Variants in CCDC7 observed in about 807,000 individuals in gnomAD.
CCDC7 encodes coiled-coil domain-containing protein 7.
Under a neutral mutation model 196.9 loss-of-function variants are expected in CCDC7, and 183 were observed. The observed-to-expected ratio is 0.93, with a 90% confidence interval of 0.82 to 1.05. The LOEUF (loss-of-function observed/expected upper bound fraction) is 1.05, where lower values mean the gene tolerates loss of function less well. Among genes scored for constraint, CCDC7 ranks in the 50% least tolerant of loss-of-function variants. CCDC7 has a pLI of 0.00. For missense variants in CCDC7, 1,540 were observed against 1,482.2 expected (o/e 1.04, Z -0.64); for synonymous variants, 525 against 484.6 (o/e 1.08, Z -1.10).
chr10:32,628,557 G>T (rs1192828972), intron 18 of CCDC7, among the ~76,000 whole-genome samples: 1 of 151,584 alleles, frequency 6.6e-6, no homozygotes, highest in African/African-American at 2.4e-5. Flanking sequence ...GGCTTAGTTT[G>T]TTCTTCTTTT....
chr10:32,532,036 G>A (rs966435288), intron 11 of CCDC7, among the ~76,000 whole-genome samples: 4 of 151,900 alleles, frequency 2.6e-5, no homozygotes, highest in African/African-American at 9.7e-5. Flanking sequence ...TCAATATCAT[G>A]TATTTCTGCT....
intron 24 of CCDC7, among the ~76,000 whole-genome samples, chr10:32,701,603 T>C (rs2078737448): frequency 6.6e-6 from 1 of 152,250 alleles, no homozygotes; most frequent in Non-Finnish European, 1.5e-5. Flanking sequence ...TACCAGCTCC[T>C]CTTTGTACCT....
intron 8 of CCDC7, among the ~76,000 whole-genome samples, chr10:32,489,509 T>C (rs1000525930): frequency 5.3e-5 from 8 of 152,190 alleles, no homozygotes; most frequent in Admixed American, 5.2e-4. Flanking sequence ...TTCAGGGCCC[T>C]GGGCAAGGCT....
intron 8 of CCDC7, among the ~76,000 whole-genome samples, chr10:32,476,834 T>C (rs1283697934): frequency 6.6e-6 from 1 of 152,266 alleles, no homozygotes; most frequent in Non-Finnish European, 1.5e-5. Flanking sequence ...TTTCATAAGC[T>C]TATTTGCCAT....
chr10:32,666,997 G>A (rs1398694818), intron 21 of CCDC7, among the ~76,000 whole-genome samples: 1 of 152,134 alleles, frequency 6.6e-6, no homozygotes, highest in South Asian at 2.1e-4. Context: ...CACCAACAGT[G>A]TAAAAGCGTT....
At chr10:32,823,505 T>A (rs1278571681) in intron 31 of CCDC7, among the ~76,000 whole-genome samples, 1 of 152,132 alleles carries the variant, frequency 6.6e-6, no homozygotes, top group Admixed American at 6.6e-5. Context: ...ATATTGGTGG[T>A]ATATTTGGGC....
intron 24 of CCDC7, among the ~76,000 whole-genome samples, chr10:32,711,045 A>G (rs2080738613): frequency 6.6e-6 from 1 of 152,094 alleles, no homozygotes; most frequent in African/African-American, 2.4e-5. Flanking sequence ...CATATCATAA[A>G]CCATATATAT....
intron 9 of CCDC7, among the ~76,000 whole-genome samples, chr10:32,495,320 T>C (rs1319191865): frequency 6.6e-6 from 1 of 152,182 alleles, no homozygotes; most frequent in Non-Finnish European, 1.5e-5. Context: ...ATTGCAAAAA[T>C]CTTCTCCCAT....
chr10:32,768,256 G>A (rs2078633926), intron 28 of CCDC7, among the ~76,000 whole-genome samples: 1 of 151,816 alleles, frequency 6.6e-6, no homozygotes, highest in Non-Finnish European at 1.5e-5. Flanking sequence ...CTCCTCCTTG[G>A]TTAAATATAT....
At chr10:32,799,846 G>A (rs750832809) in intron 29 of CCDC7, among the ~76,000 whole-genome samples, 3 of 152,210 alleles carry the variant, frequency 2.0e-5, no homozygotes, top group Non-Finnish European at 4.4e-5. Flanking sequence ...AAGCAAACAA[G>A]ATCTCTCCAA....
chr10:32,766,900 G>A (rs1226635753), intron 28 of CCDC7, among the ~76,000 whole-genome samples: 2 of 152,006 alleles, frequency 1.3e-5, no homozygotes, highest in African/African-American at 4.8e-5. Context: ...TTAAAACCAG[G>A]TACTGTGATT....
intron 26 of CCDC7, among the ~76,000 whole-genome samples, chr10:32,727,687 G>A (rs2083328800): frequency 6.6e-6 from 1 of 152,078 alleles, no homozygotes; most frequent in South Asian, 2.1e-4. Flanking sequence ...AATTGCTTTT[G>A]TACCAACCTA....
At chr10:32,447,771 G>A (rs1316266658), upstream of CCDC7, among the ~76,000 whole-genome samples, 1 of 151,982 alleles carries the variant, frequency 6.6e-6, no homozygotes, top group African/African-American at 2.4e-5. Context: ...ACGTGGCAGT[G>A]GGCACCTGTA....
intron 32 of CCDC7, among the ~76,000 whole-genome samples, chr10:32,830,344 C>CT (rs2135870885): frequency 6.7e-6 from 1 of 149,716 alleles, no homozygotes; most frequent in East Asian, 2.0e-4. Flanking sequence ...GGTTTGCTAT[C>CT]TAAAAAGCCC....
intron 13 of CCDC7, among the ~76,000 whole-genome samples, chr10:32,564,757 C>G (rs960484957): frequency 2.6e-5 from 4 of 151,738 alleles, no homozygotes; most frequent in African/African-American, 9.7e-5. Flanking sequence ...ACATATGTAA[C>G]TAACCTGCAC....
intron 13 of CCDC7, among the ~76,000 whole-genome samples, chr10:32,553,738 G>C (rs1410567697): frequency 2.6e-5 from 4 of 152,130 alleles, no homozygotes; most frequent in Non-Finnish European, 5.9e-5. Flanking sequence ...TGCTATTGGG[G>C]GTTGTTTGCA....
intron 9 of CCDC7, among the ~76,000 whole-genome samples, chr10:32,507,281 G>A (rs1301357385): frequency 6.6e-5 from 10 of 151,940 alleles, no homozygotes; most frequent in Admixed American, 1.3e-4. Context: ...ATGAGCCACC[G>A]CGCCTGGCCT....
At chr10:32,662,910 G>C (rs1314705061) in intron 20 of CCDC7, among the ~76,000 whole-genome samples, 1 of 152,138 alleles carries the variant, frequency 6.6e-6, no homozygotes, top group Non-Finnish European at 1.5e-5. Flanking sequence ...CTATCAGGTA[G>C]CTTTCAGGGC....
At chr10:32,795,582 A>G (rs11009086) in intron 29 of CCDC7, among the ~76,000 whole-genome samples, 16,014 of 152,026 alleles carry the variant, frequency 0.11, 1,045 homozygotes, top group South Asian at 0.25. Flanking sequence ...TGCTTTTCCA[A>G]TTGAAGAAGT....
Sources: allele counts gnomAD v4.1 joint callset (sites outside exome capture counted in the v4.1 genomes callset), GRCh38; gene constraint gnomAD v4.1.1; transcripts MANE v1.5; gene names NCBI Gene and HGNC (gene_info 2026-07-23, HGNC 2026-07-21).